ARHGAP31: variants seen among roughly 807,000 people sequenced by gnomAD.
ARHGAP31 encodes rho GTPase-activating protein 31.
In ARHGAP31, 34 loss-of-function variants were observed where a neutral mutation model predicts 113.9. The ratio of observed to expected loss-of-function variants is 0.30; its 90% CI spans 0.23 to 0.40. ARHGAP31 has a LOEUF of 0.40. ARHGAP31 is among the 10% of genes least tolerant of loss of function. ARHGAP31 has a pLI of 1.00. For synonymous variants in ARHGAP31, 650 were observed against 684.8 expected, an observed-to-expected ratio of 0.95 and a Z score of 0.79; for missense variants, 1,548 against 1,767.1, an observed-to-expected ratio of 0.88 and a Z score of 2.22.
At chr3:119,393,320 A>G (rs1051815092) in intron 7 of ARHGAP31, 147 bp from the exon 8 acceptor site, 7 of 1,082,818 alleles carry the variant, frequency 6.5e-6, no homozygotes, top group Non-Finnish European at 9.7e-6. Flanking sequence ...GTGAGAATCA[A>G]GCTTACCTTG....
intron 3 of ARHGAP31, among the ~76,000 whole-genome samples, chr3:119,375,964 G>A (rs1188017534): frequency 6.6e-6 from 1 of 152,114 alleles, no homozygotes; most frequent in Non-Finnish European, 1.5e-5. Flanking sequence ...CAACCCTTCT[G>A]CTTCAGCCCC....
chr3:119,355,321 C>G (rs1204207741), intron 1 of ARHGAP31, among the ~76,000 whole-genome samples: 1 of 152,074 alleles, frequency 6.6e-6, no homozygotes, highest in Non-Finnish European at 1.5e-5. Context: ...ATAAAACAAA[C>G]AAACAAATAA....
At chr3:119,323,456 CTTTGCT>C (rs1412960856) in intron 1 of ARHGAP31, among the ~76,000 whole-genome samples, 1 of 152,244 alleles carries the variant, frequency 6.6e-6, no homozygotes, top group Non-Finnish European at 1.5e-5. Flanking sequence ...TTGGGCTTGG[CTTTGCT>C]TTGCGTTTCT....
chr3:119,390,042 G>A (rs1207544020), intron 6 of ARHGAP31, among the ~76,000 whole-genome samples: 1 of 152,110 alleles, frequency 6.6e-6, no homozygotes, highest in African/African-American at 2.4e-5. Context: ...GATGTCCCTG[G>A]GTGTGGAGGG....
intron 9 of ARHGAP31, 97 bp from the exon 10 acceptor site, chr3:119,401,725 C>T: frequency 8.9e-7 from 1 of 1,129,288 alleles, no homozygotes; most frequent in East Asian, 2.5e-5. Context: ...TGCTGTGCCT[C>T]TCTAGTATTC....
At chr3:119,354,736 C>T (rs1435638029) in intron 1 of ARHGAP31, among the ~76,000 whole-genome samples, 3 of 142,928 alleles carry the variant, frequency 2.1e-5, no homozygotes, top group Admixed American at 7.4e-5. Context: ...CCATGTTGGT[C>T]AGGCTGGTCT....
intron 1 of ARHGAP31, among the ~76,000 whole-genome samples, chr3:119,316,341 G>A (rs1424192999): frequency 6.6e-6 from 1 of 152,200 alleles, no homozygotes; most frequent in East Asian, 1.9e-4. Flanking sequence ...AGGGATACAG[G>A]TTGAGAATAA....
At chr3:119,342,068 G>A (rs2080012941) in intron 1 of ARHGAP31, 1 of 152,098 alleles carries the variant, frequency 6.6e-6, no homozygotes, top group African/African-American at 2.4e-5. Flanking sequence ...TTAAGATCAT[G>A]GTTGTTTTAC....
Position 119,355,399 on chromosome 3 carries a change from G to A in ARHGAP31, c.101-9917G>A, listed in dbSNP as rs553680393. Among the ~76,000 whole-genome samples, 63 of 151,528 alleles carry A rather than the reference G, an allele frequency of 4.2e-4. 1 individual carries two copies. In the South Asian group the frequency reaches 0.012, roughly 29 times the overall value. On this transcript the variant is annotated intron_variant, in intron 1 of 11. Transcript: ENST00000264245. ...TTTGAGGAATCCAGATAGCAAAGGA[G>A]CCCAGAAAATCCATCTGGAGAAAAA...
At chr3:119,337,235 A>G (rs1054097555) in intron 1 of ARHGAP31, among the ~76,000 whole-genome samples, 3 of 152,192 alleles carry the variant, frequency 2.0e-5, no homozygotes. Flanking sequence ...GGACATCTCC[A>G]GACTTGCTTC....
chr3:119,296,190 C>T (rs1167613451), intron 1 of ARHGAP31, among the ~76,000 whole-genome samples: 1 of 152,214 alleles, frequency 6.6e-6, no homozygotes, highest in Non-Finnish European at 1.5e-5. Context: ...TCAGCACCAC[C>T]TAGTAATTTG....
At chr3:119,313,933 T>C (rs1314834520) in intron 1 of ARHGAP31, among the ~76,000 whole-genome samples, 1 of 152,230 alleles carries the variant, frequency 6.6e-6, no homozygotes, top group Non-Finnish European at 1.5e-5. Context: ...GAGAATGTCT[T>C]AATAAGAGCT....
At chr3:119,376,475 A>T (rs2080349844) in intron 3 of ARHGAP31, among the ~76,000 whole-genome samples, 1 of 152,188 alleles carries the variant, frequency 6.6e-6, no homozygotes, top group African/African-American at 2.4e-5. Context: ...GCCTTGCTCC[A>T]TACAGGCCAC....
chr3:119,415,916 A>C lies in ARHGAP31; in HGVS notation c.3987A>C (p.Pro1329=). 6.8e-6 allele frequency: 11 copies of C among 1,614,214 alleles called. No homozygotes were observed. The highest frequency in any genetic ancestry group is 9.3e-6 in the Non-Finnish European group (11 of 1,180,048). The stretch of plus-strand genomic sequence containing the variant: ...TTCTTTCTTCAAAACTAGAGCGACC[A>C]TCTGGGGGTTCTAAGCCTTTCCACA... ...DNLLSSKLER[P]SGGSKPFHRS... is the part of the protein sequence containing the mutation. The change falls in exon 12 of 12, where the codon CCA becomes CCC. Residue 1329 remains proline (P), a synonymous_variant. Transcript: ENST00000264245.
At position 119,365,416 on chromosome 3, in the gene ARHGAP31, A is replaced by G. The variant is rs2080245309; in HGVS notation, c.201A>G (p.Leu67=). Residue 67 remains leucine, a splice_region_variant and synonymous_variant, in exon 2 of 12, where the codon CTA becomes CTG. Transcript: ENST00000264245. ...LSGVTSNIQR[L]RQEFGSDQCP... ...GAGTCACCTCAAACATACAACGGCT[A>G]AGGTAAGCTAAAAGAATAGCCCTAA... The G allele has an allele frequency of 3.1e-6, 5 of 1,613,004 alleles. No homozygotes were observed. Among genetic ancestry groups the G allele is most frequent in the South Asian group, 1.1e-5 (1 of 91,062 alleles).
At chr3:119,324,482 A>G (rs1164807366) in intron 1 of ARHGAP31, among the ~76,000 whole-genome samples, 1 of 152,180 alleles carries the variant, frequency 6.6e-6, no homozygotes, top group Non-Finnish European at 1.5e-5. Flanking sequence ...AAAAATAAAA[A>G]ATTAGCAGTC....
chr3:119,416,409 T>G lies in ARHGAP31; in HGVS notation c.*145T>G, dbSNP rs2080779923. On this transcript the variant is annotated 3_prime_UTR_variant, in exon 12 of 12. Transcript: ENST00000264245. ...TCTCTTTCTTCAGCCTTTTGACCAC[T>G]TATTAATTAGTCCATTTGCTAGAAG... is the stretch of plus-strand genomic sequence containing the variant. The G allele has an allele frequency of 8.6e-7, 1 of 1,161,662 alleles. No homozygotes were observed. The highest frequency in any genetic ancestry group is 1.2e-6 in the Non-Finnish European group (1 of 806,888). The allele number at this position is 1,161,662 out of a possible 1,614,324, so 72.0% of individuals were successfully genotyped here. A position where few individuals can be genotyped will look rare whatever the true frequency, so the allele number is the denominator to read the frequency against.
At chr3:119,316,976 T>C (rs2079737759) in intron 1 of ARHGAP31, among the ~76,000 whole-genome samples, 1 of 152,238 alleles carries the variant, frequency 6.6e-6, no homozygotes, top group African/African-American at 2.4e-5. Flanking sequence ...ACCTCACTAA[T>C]ACCTGCTTTC....
Position 119,368,544 on chromosome 3 carries a change from A to G in ARHGAP31, c.348+28A>G, listed in dbSNP as rs747811821. ...GAGTGTTTGGATTTCCATTATGGTTACTGGGTGGGATGCATGGATGGGCCA... is the reference window on the plus strand; with the variant it reads ...GAGTGTTTGGATTTCCATTATGGTTGCTGGGTGGGATGCATGGATGGGCCA... On this transcript the variant is annotated intron_variant, in intron 3 of 11. Coordinates refer to ENST00000264245, the MANE Select transcript of ARHGAP31 (RefSeq NM_020754.4). 20 of 1,613,684 alleles carry G rather than the reference A, an allele frequency of 1.2e-5. No individual in the cohort carries two copies. In the East Asian group the frequency reaches 3.8e-4, roughly 31 times the overall value.
Sources: allele counts gnomAD v4.1 joint callset (sites outside exome capture counted in the v4.1 genomes callset), GRCh38; gene constraint gnomAD v4.1.1; transcripts MANE v1.5; gene names NCBI Gene and HGNC (gene_info 2026-07-23, HGNC 2026-07-21).